Variants in DEFB131A observed in about 807,000 individuals in gnomAD.
The protein encoded by DEFB131A is defensin beta 131A.
DEFB131A carries 5 observed loss-of-function variants against 2.4 expected under a neutral mutation model. The observed-to-expected ratio is 2.12, with a 90% CI of 1.11 to 4.47. The LOEUF (loss-of-function observed/expected upper bound fraction) is 4.47. Among genes scored for constraint, DEFB131A ranks in the 30% most tolerant of loss-of-function variants. The pLI is 0.00. For missense variants in DEFB131A, 120 were observed against 79.9 expected (o/e 1.50, Z -1.91); for synonymous variants, 34 against 25.7 (o/e 1.32, Z -0.97).
At position 9,444,542 on chromosome 4, in the gene DEFB131A, C is replaced by G. The variant is rs537885362; in HGVS notation, c.9C>G (p.Val3=). Reference sequence around the variant, plus strand: ...GCTTTACCTATTCAACCATGAGGGTCTTGTTTTTTGTCTTTGGAGTCCTTT... The same window carrying G: ...GCTTTACCTATTCAACCATGAGGGTGTTGTTTTTTGTCTTTGGAGTCCTTT... MR[V]LFFVFGVLSL... is the part of the protein sequence containing the mutation. The change falls in exon 1 of 2, where the codon GTC becomes GTG. Residue 3 remains valine (V), a synonymous_variant. Coordinates refer to ENST00000334879, the MANE Select transcript of DEFB131A (RefSeq NM_001040448.3). 2 of 1,611,696 alleles carry G rather than the reference C, an allele frequency of 1.2e-6. No individual in the cohort carries two copies. Among genetic ancestry groups the G allele is most frequent in the East Asian group, 2.2e-5 (1 of 44,856 alleles).
chr4:9,445,220 G>A (rs1717464356), intron 1 of DEFB131A, among the ~76,000 whole-genome samples: 1 of 152,156 alleles, frequency 6.6e-6, no homozygotes, highest in Admixed American at 6.5e-5. Context: ...AGGGCTAGAG[G>A]TGAAGAGGTG....
chr4:9,445,927 C>T (rs1302770768), intron 1 of DEFB131A, among the ~76,000 whole-genome samples: 2 of 152,094 alleles, frequency 1.3e-5, no homozygotes, highest in South Asian at 2.1e-4. Flanking sequence ...ATATGTGATC[C>T]TTCATGTCTG....
intron 1 of DEFB131A, among the ~76,000 whole-genome samples, chr4:9,445,679 G>T (rs1410474876): frequency 1.3e-5 from 2 of 151,726 alleles, no homozygotes; most frequent in Non-Finnish European, 2.9e-5. Context: ...ATGTTAGTGG[G>T]TTTTTTATAT....
At position 9,448,187 on chromosome 4, in the gene DEFB131A, TAAAAG is replaced by T. The variant is rs553338107; in HGVS notation, c.59-2170_59-2166del. 1.1e-4 allele frequency among the ~76,000 whole-genome samples: 17 copies of T among 148,778 alleles called. No individual in the cohort carries two copies. In the South Asian group the frequency reaches 3.4e-3, roughly 30 times the overall value. On this transcript the variant is annotated intron_variant, in intron 1 of 1. Coordinates refer to ENST00000334879, the MANE Select transcript of DEFB131A (RefSeq NM_001040448.3). The stretch of plus-strand genomic sequence containing the variant: ...ATCAAAGACAAAAAAAAAAAAATCT[TAAAAG>T]AAGCCAGGAGGGAAAAAATCTTTAT...
At chr4:9,449,113 A>G (rs1165971758) in intron 1 of DEFB131A, among the ~76,000 whole-genome samples, 2 of 151,684 alleles carry the variant, frequency 1.3e-5, no homozygotes, top group Non-Finnish European at 2.9e-5. Context: ...TAAGACACTT[A>G]AGAATAAACT....
intron 1 of DEFB131A, among the ~76,000 whole-genome samples, chr4:9,448,573 C>T (rs955463738): frequency 8.5e-5 from 13 of 152,204 alleles, no homozygotes; most frequent in African/African-American, 3.1e-4. Context: ...ATCCGCCCGC[C>T]TTGGCCTCCC....
chr4:9,446,892 G>A (rs7679604), intron 1 of DEFB131A, among the ~76,000 whole-genome samples: 3,309 of 151,680 alleles, frequency 0.022, 13 homozygotes, highest in African/African-American at 0.076. Context: ...TATCTGTATC[G>A]TTTCCAAAGT....
chr4:9,446,216 C>A (rs906814085), intron 1 of DEFB131A, among the ~76,000 whole-genome samples: 3 of 151,770 alleles, frequency 2.0e-5, no homozygotes, highest in Admixed American at 1.3e-4. Flanking sequence ...GTAATATGAG[C>A]CTCAGAAAAG....
At chr4:9,449,084 C>A (rs1475965752) in intron 1 of DEFB131A, among the ~76,000 whole-genome samples, 1 of 151,338 alleles carries the variant, frequency 6.6e-6, no homozygotes, top group Non-Finnish European at 1.5e-5. Flanking sequence ...AAATCCCATT[C>A]ATAATAGCAA....
rs77388586 is a variant in DEFB131A, at chr4:9,450,453, C to G, written c.152C>G (p.Ala51Gly). The change falls in exon 2 of 2, where the codon GCT becomes GGT. Residue 51 changes from alanine to glycine, a missense_variant. Coordinates refer to ENST00000334879, the MANE Select transcript of DEFB131A (RefSeq NM_001040448.3). ...GATGAACATGCAATTAGATACTGTGCTGACTTCAGCATCTGCTGCAAACTG... is the reference window on the plus strand; with the variant it reads ...GATGAACATGCAATTAGATACTGTGGTGACTTCAGCATCTGCTGCAAACTG... ...NADEHAIRYCADFSICCKLKI... is the reference protein window; with the variant it reads ...NADEHAIRYCGDFSICCKLKI... The G allele has an allele frequency of 1.2e-6, 2 of 1,610,840 alleles. No homozygotes were observed. The highest frequency in any genetic ancestry group is 2.2e-5 in the East Asian group (1 of 44,798).
Position 9,450,640 on chromosome 4 carries a change from T to C in DEFB131A, c.*126T>C, listed in dbSNP as rs549223588. 6.0e-6 allele frequency: 8 copies of C among 1,341,010 alleles called. No homozygotes were observed. In the South Asian group the frequency reaches 1.0e-4, roughly 17 times the overall value. 83.1% of individuals were successfully genotyped at this position (1,341,010 alleles called of 1,614,324 possible). On this transcript the variant is annotated 3_prime_UTR_variant, in exon 2 of 2. Coordinates refer to ENST00000334879, the MANE Select transcript of DEFB131A (RefSeq NM_001040448.3). ...GCATGTTTAGATGGTCAGGTGAAAA[T>C]GAATATAAATTTTATAAATGCTTCC... is the stretch of plus-strand genomic sequence containing the variant.
chr4:9,449,952 C>G lies in DEFB131A; in HGVS notation c.59-408C>G, dbSNP rs1237893503. Among the ~76,000 whole-genome samples, 4 of 152,240 alleles carry G rather than the reference C, an allele frequency of 2.6e-5. No homozygotes were observed. The East Asian group carries it at 7.7e-4, about 29-fold the overall frequency. ...TTTATATTTATCCATAATCTACCTT[C>G]TCTTCACTCTCTGATTCAAGGCCAA... On this transcript the variant is annotated intron_variant, in intron 1 of 1. Transcript: ENST00000334879.
At chr4:9,444,653 C>A in intron 1 of DEFB131A, 62 bp downstream of exon 1, 3 of 1,537,174 alleles carry the variant, frequency 2.0e-6, no homozygotes, top group South Asian at 1.2e-5. Flanking sequence ...AATGCAAGGT[C>A]TTTCAAGAGT....
At chr4:9,445,349 G>T (rs1462747636) in intron 1 of DEFB131A, among the ~76,000 whole-genome samples, 2 of 151,876 alleles carry the variant, frequency 1.3e-5, no homozygotes, top group East Asian at 3.9e-4. Flanking sequence ...TAATGTATAT[G>T]GAAATTACTT....
In DEFB131A at chr4:9,450,388, T is replaced by C. The variant is rs1435494220; in HGVS notation, c.87T>C (p.Cys29=). The change falls in exon 2 of 2, where the codon TGT becomes TGC. Residue 29 remains cysteine, a synonymous_variant. Transcript: ENST00000334879. ...PARSFISNDE[C]PSEYYHCRLK... is the part of the protein sequence containing the mutation. ...GAAGCTTCATTTCTAATGATGAATG[T>C]CCTTCAGAATATTATCATTGCAGAC... The C allele has an allele frequency of 5.0e-6, 8 of 1,587,282 alleles. No homozygotes were observed. The East Asian group carries it at 1.4e-4, about 27-fold the overall frequency.
intron 1 of DEFB131A, among the ~76,000 whole-genome samples, chr4:9,445,549 A>T (rs1717472801): frequency 6.6e-6 from 1 of 151,378 alleles, no homozygotes; most frequent in Non-Finnish European, 1.5e-5. Context: ...TGACTTATTG[A>T]TCATTTCTGA....
rs908658076 is a variant in DEFB131A, at chr4:9,450,308, C to A, written c.59-52C>A. ...ATTATAAAACATTTCAGACATTTAA[C>A]AATAAAAAGTAAGTAATATTGTGTC... On this transcript the variant is annotated intron_variant, in intron 1 of 1. Transcript: ENST00000334879. 6.4e-6 allele frequency: 9 copies of A among 1,411,246 alleles called. No homozygotes were observed. The African/African-American group carries it at 8.7e-5, about 14-fold the overall frequency. The allele number at this position is 1,411,246 out of a possible 1,614,324, so 87.4% of individuals were successfully genotyped here. A position where few individuals can be genotyped will look rare whatever the true frequency, so the allele number is the denominator to read the frequency against.
chr4:9,448,562 G>C (rs1717566272), intron 1 of DEFB131A, among the ~76,000 whole-genome samples: 1 of 152,140 alleles, frequency 6.6e-6, no homozygotes, highest in African/African-American at 2.4e-5. Context: ...GACCTCAGGT[G>C]ATCCGCCCGC....
At chr4:9,446,199 C>T (rs1206843854) in intron 1 of DEFB131A, among the ~76,000 whole-genome samples, 4 of 151,698 alleles carry the variant, frequency 2.6e-5, no homozygotes, top group Admixed American at 2.0e-4. Flanking sequence ...TTAAAATGTG[C>T]TCGGAGGTAA....
Sources: gnomAD v4.1 joint callset for allele counts (sites outside exome capture counted in the v4.1 genomes callset) on GRCh38, gnomAD v4.1.1 for gene constraint, MANE v1.5 for transcripts, NCBI Gene and HGNC (gene_info 2026-07-23, HGNC 2026-07-21) for gene names.